The following PTPRS variants were observed in gnomAD, a reference collection of about 807,000 sequenced individuals.
PTPRS encodes the protein protein tyrosine phosphatase receptor type S.
In PTPRS, 63 loss-of-function variants were observed where a neutral mutation model predicts 215.3. The ratio of observed to expected loss-of-function variants is 0.29; its 90% confidence interval spans 0.24 to 0.36. The LOEUF (loss-of-function observed/expected upper bound fraction) is 0.36, where lower values mean the gene tolerates loss of function less well. PTPRS is among the 10% of genes least tolerant of loss of function. PTPRS has a pLI of 1.00. For synonymous variants in PTPRS, 1,404 were observed against 1,191.4 expected, an observed-to-expected ratio of 1.18 and a Z score of -3.68; for missense variants, 2,258 against 2,825.8, an observed-to-expected ratio of 0.80 and a Z score of 4.56.
In PTPRS at chr19:5,340,771, C is replaced by G. The variant is rs2051087063; in HGVS notation, c.-202G>C. ...GCGCCAGCGGCTCGCGGCGTGCGCG[C>G]GCCGGCCGGGCTGCCGGGCGGGCGG... On this transcript the variant is annotated 5_prime_UTR_variant, in exon 1 of 38. Transcript: ENST00000262963. 1 of 149,684 alleles carries G rather than the reference C, an allele frequency of 6.7e-6. No homozygotes were observed. Among genetic ancestry groups the G allele is most frequent in the Non-Finnish European group, 1.5e-5 (1 of 67,272 alleles). The allele number at this position is 149,684 out of a possible 1,614,324, so 9.3% of individuals were successfully genotyped here.
chr19:5,231,277 G>A (rs761115254), intron 14 of PTPRS, 33 bp downstream of exon 14: 3 of 1,568,176 alleles, frequency 1.9e-6, no homozygotes, highest in East Asian at 4.5e-5. Flanking sequence ...GCTGGGGCCT[G>A]CGGGGGGTCC....
intron 2 of PTPRS, among the ~76,000 whole-genome samples, chr19:5,277,085 A>G (rs1599884876): frequency 2.2e-5 from 3 of 134,792 alleles, no homozygotes; most frequent in South Asian, 2.3e-4. Context: ...TAAGAGACTG[A>G]GTCTCGCTCT....
intron 1 of PTPRS, among the ~76,000 whole-genome samples, chr19:5,318,265 C>G (rs1329611348): frequency 6.6e-6 from 1 of 151,494 alleles, no homozygotes; most frequent in Non-Finnish European, 1.5e-5. Flanking sequence ...CGCTTGAACC[C>G]AGGAGGCGGA....
chr19:5,306,133 C>G (rs913531302), intron 1 of PTPRS, among the ~76,000 whole-genome samples: 13 of 146,716 alleles, frequency 8.9e-5, no homozygotes, highest in Admixed American at 2.1e-4. Context: ...AAAGGTAACT[C>G]TAGAATACAG....
intron 22 of PTPRS, 112 bp from the exon 23 acceptor site, chr19:5,219,579 T>G (rs543115478): frequency 3.8e-6 from 5 of 1,314,432 alleles, no homozygotes; most frequent in East Asian, 2.5e-5. Flanking sequence ...TCCTCCTATA[T>G]TCCTAGAACC....
chr19:5,260,685 A>T (rs1397057879), intron 7 of PTPRS, 120 bp downstream of exon 7: 1 of 1,289,958 alleles, frequency 7.8e-7, no homozygotes, highest in Non-Finnish European at 1.1e-6. Flanking sequence ...GGTGGAACAA[A>T]GGTGGTGGCA....
chr19:5,222,417 G>A (rs999315326), intron 18 of PTPRS, among the ~76,000 whole-genome samples, 197 bp from the exon 19 acceptor site: 11 of 151,168 alleles, frequency 7.3e-5, no homozygotes, highest in South Asian at 2.1e-4. Flanking sequence ...TTCGGGAGAC[G>A]GCACGGGTGC....
chr19:5,246,657 C>T (rs2044511450), intron 9 of PTPRS, among the ~76,000 whole-genome samples: 1 of 152,180 alleles, frequency 6.6e-6, no homozygotes, highest in Non-Finnish European at 1.5e-5. Flanking sequence ...CTTGTTGAGG[C>T]CAGGAGACAG....
chr19:5,276,515 G>T (rs547702898), intron 2 of PTPRS, among the ~76,000 whole-genome samples: 1 of 147,478 alleles, frequency 6.8e-6, no homozygotes, highest in African/African-American at 2.5e-5. Flanking sequence ...GAGCCACTGC[G>T]CCTGGCCTGG....
At chr19:5,229,733 C>T (rs1599536046) in intron 14 of PTPRS, 49 bp from the exon 15 acceptor site, 4 of 1,147,950 alleles carry the variant, frequency 3.5e-6, no homozygotes, top group East Asian at 3.3e-5. Context: ...GTTACCAGGG[C>T]GCCCGGCCCT....
intron 17 of PTPRS, 60 bp from the exon 18 acceptor site, chr19:5,223,357 A>T (rs961262194): frequency 7.2e-7 from 1 of 1,397,158 alleles, no homozygotes; most frequent in Non-Finnish European, 9.2e-7. Flanking sequence ...CAGAGGCACA[A>T]GGTGGGGTTG....
At chr19:5,215,782 T>A (rs567175895) in intron 26 of PTPRS, among the ~76,000 whole-genome samples, 187 bp from the exon 27 acceptor site, 1 of 152,114 alleles carries the variant, frequency 6.6e-6, no homozygotes, top group African/African-American at 2.4e-5. Context: ...ACCCCAGGCC[T>A]AGGGGACTCT....
intron 1 of PTPRS, among the ~76,000 whole-genome samples, chr19:5,292,500 G>A (rs1463625233): frequency 6.6e-6 from 1 of 152,196 alleles, no homozygotes; most frequent in Non-Finnish European, 1.5e-5. Flanking sequence ...CCAGGGACGG[G>A]AATGGGTAAA....
chr19:5,220,499 C>T (rs984148372), intron 20 of PTPRS, 146 bp from the exon 21 acceptor site: 10 of 710,304 alleles, frequency 1.4e-5, no homozygotes, highest in East Asian at 2.7e-5. Context: ...CATCCACAAA[C>T]GCCACAGTTG....
At chr19:5,273,615 G>A in intron 3 of PTPRS, 32 bp from the exon 4 acceptor site, 3 of 1,613,358 alleles carry the variant, frequency 1.9e-6, no homozygotes, top group Non-Finnish European at 2.5e-6. Context: ...AGAACAGAGT[G>A]AGGCTGGGGT....
intron 1 of PTPRS, among the ~76,000 whole-genome samples, chr19:5,314,788 G>C (rs1057463739): frequency 6.6e-6 from 1 of 150,918 alleles, no homozygotes; most frequent in African/African-American, 2.5e-5. Context: ...CTGAAGATTC[G>C]AGACATCACA....
Position 5,245,844 on chromosome 19 carries a change from G to A in PTPRS, c.920C>T (p.Ala307Val). 1 of 1,613,696 alleles carries A rather than the reference G, an allele frequency of 6.2e-7. No individual in the cohort carries two copies. The highest frequency in any genetic ancestry group is 8.5e-7 in the Non-Finnish European group (1 of 1,179,878). Residue 307 changes from alanine (A) to valine (V), a missense_variant, in exon 10 of 38, where the codon GCC (alanine) becomes GTC (valine). By Grantham distance (64) the Ala-to-Val change is moderately conservative. Around this residue, in one of 6 missense-constraint regions of PTPRS, gnomAD observed 508 missense variants for 799.4 expected, o/e 0.64. Transcript: ENST00000262963. ...GGACATGGCCACGCAGGTGTAGTTG[G>A]CCGAGTCCTTGACATCTGTGAGTTC... ...VLELTDVKDS[A>V]NYTCVAMSSL... is the part of the protein sequence containing the mutation.
chr19:5,208,462 A>G, intron 35 of PTPRS, 71 bp from the exon 36 acceptor site: 1 of 1,339,672 alleles, frequency 7.5e-7, no homozygotes, highest in Non-Finnish European at 9.9e-7. Context: ...CATCCTCCCT[A>G]TCTTCACCCC....
At chr19:5,273,823 T>G (rs2047127804) in intron 3 of PTPRS, among the ~76,000 whole-genome samples, 1 of 152,120 alleles carries the variant, frequency 6.6e-6, no homozygotes, top group Non-Finnish European at 1.5e-5. Context: ...TGTGTGAGGG[T>G]GACAAATGTC....
Sources: gnomAD v4.1 joint callset for allele counts (sites outside exome capture counted in the v4.1 genomes callset) on GRCh38, gnomAD v4.1.1 for gene constraint, gnomAD v4.1.1 regional missense constraint, MANE v1.5 for transcripts, NCBI Gene and HGNC (gene_info 2026-07-23, HGNC 2026-07-21) for gene names.